Variants in LAIR1 observed in about 807,000 individuals in gnomAD.
The protein encoded by LAIR1 is leukocyte associated immunoglobulin like receptor 1.
A neutral mutation model predicts 32.8 loss-of-function variants in LAIR1; 24 were observed. The ratio of observed to expected loss-of-function variants is 0.73; its 90% CI spans 0.53 to 1.03. The LOEUF (loss-of-function observed/expected upper bound fraction) is 1.03, where lower values mean the gene tolerates loss of function less well. Among genes scored for constraint, LAIR1 ranks in the 50% least tolerant of loss-of-function variants. The probability of loss-of-function intolerance (pLI) is 0.00; values close to 1 mark genes in which losing one functional copy is unlikely to be tolerated. For missense variants in LAIR1, 355 were observed against 347.5 expected (o/e 1.02, Z -0.17); for synonymous variants, 150 against 140.5 (o/e 1.07, Z -0.48).
At chr19:54,368,831 G>GCA (rs1336818206), upstream of LAIR1, 1 of 151,914 alleles carries the variant, frequency 6.6e-6, no homozygotes, top group African/African-American at 2.4e-5. Context: ...GGGATTACAG[G>GCA]TGCGCACCAC....
chr19:54,364,940 C>T (rs2082203125), upstream of LAIR1: 2 of 1,565,768 alleles, frequency 1.3e-6, no homozygotes, highest in Admixed American at 3.9e-5. The surrounding 1 kb of genome is among the most constrained non-coding windows in gnomAD (Gnocchi z 4.8). Flanking sequence ...CTGCCTCACA[C>T]AAGAGGAAGA....
chr19:54,362,692 T>C (rs1347614716), intron 2 of LAIR1, among the ~76,000 whole-genome samples: 2 of 152,220 alleles, frequency 1.3e-5, no homozygotes, highest in South Asian at 2.1e-4. Flanking sequence ...CCCCATGTTG[T>C]CCAGGCTGGT....
chr19:54,362,126 T>A (rs564411530), intron 2 of LAIR1, among the ~76,000 whole-genome samples: 5 of 152,270 alleles, frequency 3.3e-5, no homozygotes, highest in African/African-American at 9.6e-5. Flanking sequence ...TGAATCAAGC[T>A]AATTAATATA....
rs770103913 is a variant in LAIR1, at chr19:54,355,293, G to A, written c.839C>T (p.Thr280Met). The change falls in exon 10 of 10, where the codon ACG (threonine) becomes ATG (methionine). Residue 280 changes from threonine to methionine, a missense_variant. Coordinates refer to ENST00000391742, the MANE Select transcript of LAIR1 (RefSeq NM_002287.6). This position sits in a 1 kb window ranked among gnomAD's most constrained non-coding sequence, Gnocchi z 4.7. ...QSTKPMAESI[T>M]YAAVARH Reference sequence around the variant, plus strand: ...TCAGTGTCTGGCAACGGCTGCATACGTGATGGACTCGGCCATGGGCTTTGT... The same window carrying A: ...TCAGTGTCTGGCAACGGCTGCATACATGATGGACTCGGCCATGGGCTTTGT... The A allele has an allele frequency of 1.7e-5, 27 of 1,611,154 alleles. No homozygotes were observed. Among genetic ancestry groups the A allele is most frequent in the East Asian group, 4.5e-5 (2 of 44,598 alleles).
At chr19:54,374,014 A>C (rs1204284156), upstream of LAIR1, among the ~76,000 whole-genome samples, 2 of 152,228 alleles carry the variant, frequency 1.3e-5, no homozygotes, top group Non-Finnish European at 2.9e-5. Flanking sequence ...ATGCAACAAG[A>C]CCAGGGAAAA....
rs1220983627 is a variant in LAIR1 at position 54,355,640 on chromosome 19, C to T, written c.718-226G>A. Among the ~76,000 whole-genome samples the T allele has an allele frequency of 2.6e-5, 4 of 152,326 alleles. No homozygotes were observed. The highest frequency in any genetic ancestry group is 6.5e-5 in the Admixed American group (1 of 15,310). ...CCAAGCTGAGCCAAAAGACATGGTG[C>T]TTCTGTCCCCTCCCTGCCACCCATC... On this transcript the variant is annotated intron_variant, in intron 9 of 9. Coordinates refer to ENST00000391742, the MANE Select transcript of LAIR1 (RefSeq NM_002287.6). This position sits in a 1 kb window ranked among gnomAD's most constrained non-coding sequence, Gnocchi z 4.7.
chr19:54,375,150 C>T (rs978902577), upstream of LAIR1, among the ~76,000 whole-genome samples: 4 of 152,212 alleles, frequency 2.6e-5, no homozygotes, highest in South Asian at 2.1e-4. Context: ...CAGACAATGC[C>T]GTCCCGCCGT....
At chr19:54,367,611 T>C (rs1354252740), upstream of LAIR1, among the ~76,000 whole-genome samples, 1 of 150,114 alleles carries the variant, frequency 6.7e-6, no homozygotes, top group Non-Finnish European at 1.5e-5. Flanking sequence ...CCGGGCGTGG[T>C]GGTGGGCGCC....
intron 6 of LAIR1, 22 bp from the exon 7 acceptor site, chr19:54,356,420 A>G (rs762024389): frequency 1.9e-6 from 3 of 1,605,986 alleles, no homozygotes; most frequent in Admixed American, 3.4e-5. Flanking sequence ...CGGGGTGTGA[A>G]TTAAGGAGAC....
chr19:54,365,139 G>A (rs2082212529), upstream of LAIR1: 20 of 1,047,058 alleles, frequency 1.9e-5, no homozygotes, highest in Non-Finnish European at 2.4e-5. Flanking sequence ...CAATTGACTT[G>A]GACGCCGTCC....
intron 3 of LAIR1, 162 bp downstream of exon 3, chr19:54,360,754 G>A: frequency 7.8e-6 from 5 of 644,054 alleles, no homozygotes; most frequent in Non-Finnish European, 1.3e-5. Flanking sequence ...TGTGAGGGCA[G>A]AGGGGAGGTG....
chr19:54,356,577 A>G lies in LAIR1; in HGVS notation c.497T>C (p.Ile166Thr). 6.2e-7 allele frequency: 1 copy of G among 1,614,002 alleles called. No individual in the cohort carries two copies. ...SQGLKAEHLYILIGVSVVFLF... is the reference protein window; with the variant it reads ...SQGLKAEHLYTLIGVSVVFLF... ...GAAGACCACTGAGACCCCGATGAGA[A>G]TATACAGATGCTCAGCTTTCAGGCC... Residue 166 changes from isoleucine (I) to threonine (T), a missense_variant, in exon 6 of 10, where the codon ATT (isoleucine) becomes ACT (threonine). By Grantham distance (89) the Ile-to-Thr change is moderately conservative (BLOSUM62 -1). Transcript: ENST00000391742.
chr19:54,361,257 C>A, intron 2 of LAIR1, 48 bp from the exon 3 acceptor site: 2 of 1,579,670 alleles, frequency 1.3e-6, no homozygotes, highest in South Asian at 2.2e-5. Context: ...TAGGAAGTCA[C>A]CATGCCACAC....
Position 54,356,480 on chromosome 19 carries a change from C to T in LAIR1, c.583+11G>A, listed in dbSNP as rs1569186426. On this transcript the variant is annotated intron_variant, in intron 6 of 9. Coordinates refer to ENST00000391742, the MANE Select transcript of LAIR1 (RefSeq NM_002287.6). Reference sequence around the variant, plus strand: ...CTTCCCAGGTCACCCCACCCTGCCCCTGAGACCTACCCTGCTTTATCTGAT... The same window carrying T: ...CTTCCCAGGTCACCCCACCCTGCCCTTGAGACCTACCCTGCTTTATCTGAT... The T allele has an allele frequency of 1.2e-6, 2 of 1,613,904 alleles. No homozygotes were observed. The highest frequency in any genetic ancestry group is 2.2e-5 in the South Asian group (2 of 91,056).
chr19:54,373,246 T>G (rs150637324), upstream of LAIR1, among the ~76,000 whole-genome samples: 267 of 150,528 alleles, frequency 1.8e-3, 7 homozygotes, highest in East Asian at 0.045. Flanking sequence ...ATCGAGACCA[T>G]CCTGGCCAAC....
At chr19:54,373,878 C>T (rs192207452), upstream of LAIR1, among the ~76,000 whole-genome samples, 59 of 152,334 alleles carry the variant, frequency 3.9e-4, no homozygotes, top group African/African-American at 1.3e-3. Context: ...AATGGCGTCC[C>T]GTACTTCAAA....
chr19:54,364,200 T>C lies in LAIR1; in HGVS notation c.70+95A>G, dbSNP rs2082151979. The C allele has an allele frequency of 7.1e-7, 1 of 1,402,414 alleles. No homozygotes were observed. Among genetic ancestry groups the C allele is most frequent in the South Asian group, 1.2e-5 (1 of 84,724 alleles). 86.9% of individuals were successfully genotyped at this position (1,402,414 alleles called of 1,614,324 possible). Reference sequence around the variant, plus strand: ...AATCTAGGGTATATTTAAAGGGATCTCTCCAGGCCCTCTAAGAATCAACAT... The same window carrying C: ...AATCTAGGGTATATTTAAAGGGATCCCTCCAGGCCCTCTAAGAATCAACAT... On this transcript the variant is annotated intron_variant, in intron 2 of 9. Transcript: ENST00000391742. This position sits in a 1 kb window ranked among gnomAD's most constrained non-coding sequence, Gnocchi z 4.8.
chr19:54,374,392 T>G (rs1466660890), upstream of LAIR1, among the ~76,000 whole-genome samples: 1 of 152,154 alleles, frequency 6.6e-6, no homozygotes, highest in Non-Finnish European at 1.5e-5. Flanking sequence ...GGTGACGGCC[T>G]TCTCCCCTCC....
rs1397251638 is a variant in LAIR1 at position 54,354,594 on chromosome 19, C to T, written c.*674G>A. On this transcript the variant is annotated 3_prime_UTR_variant, in exon 10 of 10. Transcript: ENST00000391742. ...ACGTTTTCGTAAGTCCTGTTTCCCT[C>T]ACTCAGCTTTGAACAACTGTGAAGG... The T allele has an allele frequency of 6.6e-6, 1 of 152,232 alleles. No individual in the cohort carries two copies. Among genetic ancestry groups the T allele is most frequent in the East Asian group, 1.9e-4 (1 of 5,204 alleles). The allele number at this position is 152,232 out of a possible 1,614,324, so 9.4% of individuals were successfully genotyped here.
Sources: gnomAD v4.1 joint callset for allele counts (sites outside exome capture counted in the v4.1 genomes callset) on GRCh38, gnomAD v4.1.1 for gene constraint, Gnocchi (gnomAD v3.1) non-coding constraint, MANE v1.5 for transcripts, NCBI Gene and HGNC (gene_info 2026-07-23, HGNC 2026-07-21) for gene names.